The following RANBP2 variants were observed in gnomAD, a reference collection of about 807,000 sequenced individuals.
RANBP2 encodes RAN binding protein 2.
A neutral mutation model predicts 303.6 loss-of-function variants in RANBP2; 57 were observed. The observed-to-expected ratio is 0.19, with a 90% confidence interval of 0.15 to 0.23. The LOEUF (loss-of-function observed/expected upper bound fraction) is 0.23. RANBP2 is among the 10% of genes least tolerant of loss of function. RANBP2 has a pLI of 1.00. For synonymous variants in RANBP2, 1,167 were observed against 1,301.5 expected, an observed-to-expected ratio of 0.90 and a Z score of 2.23; for missense variants, 3,138 against 3,780.8, an observed-to-expected ratio of 0.83 and a Z score of 4.46.
At chr2:109,167,339 T>C in the RANBP2 span, among the ~76,000 whole-genome samples, 1 of 152,154 alleles carries the variant, frequency 6.6e-6, no homozygotes, top group African/African-American at 2.4e-5. Context: ...CACTTGCAGG[T>C]GGAACATGAA....
the RANBP2 span, among the ~76,000 whole-genome samples, chr2:109,140,018 C>T: frequency 6.6e-6 from 1 of 152,166 alleles, no homozygotes; most frequent in African/African-American, 2.4e-5. Context: ...TGACTCATGA[C>T]GTTGAAACTG....
chr2:108,950,089 C>T, the RANBP2 span, among the ~76,000 whole-genome samples: 17 of 152,142 alleles, frequency 1.1e-4, no homozygotes, highest in African/African-American at 3.6e-4. Context: ...CCAGGAGGGG[C>T]CTGCTGGCTG....
chr2:109,576,405 A>C, the RANBP2 span, among the ~76,000 whole-genome samples: 1 of 152,048 alleles, frequency 6.6e-6, no homozygotes, highest in Non-Finnish European at 1.5e-5. Context: ...GGCCTCAAAA[A>C]ATGATATTTT....
At chr2:109,130,716 C>T in the RANBP2 span, among the ~76,000 whole-genome samples, 1 of 152,310 alleles carries the variant, frequency 6.6e-6, no homozygotes, top group Admixed American at 6.5e-5. Context: ...AAGCCAAGGT[C>T]TTCTCCTGGG....
the RANBP2 span, among the ~76,000 whole-genome samples, chr2:109,231,543 A>G: frequency 6.4e-3 from 969 of 152,310 alleles, 15 homozygotes; most frequent in African/African-American, 0.022. Flanking sequence ...AGATTTTTCC[A>G]CTTGGGCTTT....
the RANBP2 span, among the ~76,000 whole-genome samples, chr2:108,986,729 T>A: frequency 6.6e-6 from 1 of 152,332 alleles, no homozygotes; most frequent in East Asian, 1.9e-4. Context: ...TGATTAGACA[T>A]CAGCTTATGT....
At chr2:108,937,023 G>GT in the RANBP2 span, among the ~76,000 whole-genome samples, 1 of 152,226 alleles carries the variant, frequency 6.6e-6, no homozygotes, top group Admixed American at 6.5e-5. Context: ...CCACAGTGCT[G>GT]TGCCGGGGAA....
chr2:109,718,011 T>TA, the RANBP2 span, among the ~76,000 whole-genome samples: 103 of 152,250 alleles, frequency 6.8e-4, 2 homozygotes, highest in East Asian at 0.018. Flanking sequence ...GAGCAAAACT[T>TA]ATACTTTGAG....
At chr2:109,510,734 G>A in the RANBP2 span, among the ~76,000 whole-genome samples, 64 of 152,336 alleles carry the variant, frequency 4.2e-4, no homozygotes, top group African/African-American at 1.4e-3. Flanking sequence ...GAAGGGCCCC[G>A]TCTGACCAGG....
the RANBP2 span, among the ~76,000 whole-genome samples, chr2:108,843,151 G>C: frequency 6.6e-6 from 1 of 151,574 alleles, no homozygotes; most frequent in East Asian, 1.9e-4. Context: ...CTGTTCTTTA[G>C]AGTAGTTATT....
the RANBP2 span, among the ~76,000 whole-genome samples, chr2:109,683,931 A>G: frequency 6.7e-6 from 1 of 148,916 alleles, no homozygotes; most frequent in Admixed American, 6.9e-5. Flanking sequence ...TCCCCCAAAT[A>G]TTATTAGAAG....
At chr2:108,981,374 G>C in the RANBP2 span, among the ~76,000 whole-genome samples, 3 of 152,192 alleles carry the variant, frequency 2.0e-5, no homozygotes, top group Non-Finnish European at 4.4e-5. Context: ...AAGAAGAAAG[G>C]CTCCTGAGGT....
chr2:109,417,323 T>C, the RANBP2 span, among the ~76,000 whole-genome samples: 1 of 152,070 alleles, frequency 6.6e-6, no homozygotes, highest in Non-Finnish European at 1.5e-5. Flanking sequence ...CCAGACCGGC[T>C]CTGGGGAGTT....
At chr2:108,822,554 G>A in the RANBP2 span, among the ~76,000 whole-genome samples, 1 of 152,090 alleles carries the variant, frequency 6.6e-6, no homozygotes, top group Admixed American at 6.6e-5. Context: ...TACGTGTTTG[G>A]CCACAAAACA....
the RANBP2 span, chr2:108,896,694 G>A: frequency 3.4e-6 from 2 of 590,020 alleles, no homozygotes; most frequent in Non-Finnish European, 6.0e-6. Flanking sequence ...TGAGGTACAG[G>A]CGAGCATCTG....
At chr2:109,515,492 G>C in the RANBP2 span, among the ~76,000 whole-genome samples, 1 of 152,062 alleles carries the variant, frequency 6.6e-6, no homozygotes, top group African/African-American at 2.4e-5. Context: ...GGCAGTGCAG[G>C]CCCTTCCTTC....
chr2:108,951,787 C>T, the RANBP2 span, among the ~76,000 whole-genome samples: 2 of 152,122 alleles, frequency 1.3e-5, no homozygotes, highest in African/African-American at 4.8e-5. Flanking sequence ...CTCTTGGCAA[C>T]ACTATATCAG....
At chr2:109,492,889 A>G in the RANBP2 span, among the ~76,000 whole-genome samples, 1 of 152,088 alleles carries the variant, frequency 6.6e-6, no homozygotes, top group Admixed American at 6.5e-5. Context: ...ATCCATCAGC[A>G]CTGCCATGCC....
At chr2:109,000,747 G>C in the RANBP2 span, among the ~76,000 whole-genome samples, 12 of 152,138 alleles carry the variant, frequency 7.9e-5, no homozygotes, top group Admixed American at 7.9e-4. Context: ...CAGGCACTAA[G>C]CACTTTATGT....
Sources: allele counts gnomAD v4.1 joint callset (sites outside exome capture counted in the v4.1 genomes callset), GRCh38; gene constraint gnomAD v4.1.1; transcripts MANE v1.5; gene names NCBI Gene and HGNC (gene_info 2026-07-23, HGNC 2026-07-21).